Variants in MYT1L observed in about 807,000 individuals in gnomAD.
The protein encoded by MYT1L is myelin transcription factor 1-like protein.
Under a neutral mutation model 126.7 loss-of-function variants are expected in MYT1L, and 12 were observed. The observed-to-expected ratio is 0.09, with a 90% CI of 0.06 to 0.15. MYT1L has a LOEUF of 0.15. Among genes scored for constraint, MYT1L ranks in the 10% least tolerant of loss-of-function variants. The pLI, the probability that MYT1L is intolerant of heterozygous loss-of-function variation, is 1.00. For synonymous variants in MYT1L, 541 were observed against 604.2 expected (o/e 0.90, Z 1.53); for missense variants, 979 against 1,585.2 (o/e 0.62, Z 6.49).
In MYT1L at chr2:1,847,782, C is replaced by T. The variant is rs62114687; in HGVS notation, c.2774+3859G>A. Among the ~76,000 whole-genome samples, 31 of 152,210 alleles carry T rather than the reference C, an allele frequency of 2.0e-4. No homozygotes were observed. The East Asian group carries it at 4.0e-3, about 20-fold the overall frequency. Reference sequence around the variant, plus strand: ...CAACAGGGCCTCTGTTCACTGAGGACGGAGAGTCGGCAAAGCAGCGGATAG... The same window carrying T: ...CAACAGGGCCTCTGTTCACTGAGGATGGAGAGTCGGCAAAGCAGCGGATAG... On this transcript the variant is annotated intron_variant, in intron 19 of 24. Transcript: ENST00000647738.
At chr2:2,247,047 T>C (rs58641559) in intron 2 of MYT1L, among the ~76,000 whole-genome samples, 3,357 of 152,100 alleles carry the variant, frequency 0.022, 106 homozygotes, top group African/African-American at 0.076. Flanking sequence ...TTATTAATAA[T>C]AGCAATGAAT....
intron 5 of MYT1L, among the ~76,000 whole-genome samples, chr2:1,995,337 A>G (rs2061746445): frequency 6.6e-6 from 1 of 152,176 alleles, no homozygotes; most frequent in Admixed American, 6.5e-5. Flanking sequence ...TGAGTTCACT[A>G]GACTGTCGTC....
At chr2:2,202,449 G>A (rs930912910) in intron 2 of MYT1L, among the ~76,000 whole-genome samples, 2 of 152,108 alleles carry the variant, frequency 1.3e-5, no homozygotes, top group Admixed American at 6.6e-5. Context: ...CATCACCACC[G>A]ATCCTACAGA....
chr2:2,006,005 T>G (rs1157873948), intron 4 of MYT1L, among the ~76,000 whole-genome samples: 2 of 148,362 alleles, frequency 1.3e-5, no homozygotes, highest in African/African-American at 5.2e-5. Flanking sequence ...CTTTCCTGCA[T>G]GCATTCTTTC....
intron 1 of MYT1L, among the ~76,000 whole-genome samples, chr2:2,303,150 G>A (rs1406123120): frequency 6.6e-6 from 1 of 152,174 alleles, no homozygotes; most frequent in Non-Finnish European, 1.5e-5. Context: ...TTATCTTCTT[G>A]TATCCTGGCG....
In MYT1L at chr2:1,793,523, C is replaced by T. The variant is rs935833424; in HGVS notation, c.3277-1059G>A. ...CGAGAGTCTCTCCTCCTCTCCCTGT[C>T]GGCCCTGCCTTCTCCTATGTTCTGG... On this transcript the variant is annotated intron_variant, in intron 23 of 24. Coordinates refer to ENST00000647738, the MANE Select transcript of MYT1L (RefSeq NM_001303052.2). This position sits in a 1 kb window ranked among gnomAD's most constrained non-coding sequence, Gnocchi z 4.6. 3.9e-5 allele frequency among the ~76,000 whole-genome samples: 6 copies of T among 152,218 alleles called. No homozygotes were observed. The highest frequency in any genetic ancestry group is 6.5e-5 in the Admixed American group (1 of 15,282).
chr2:2,241,940 G>GAC lies in MYT1L; in HGVS notation c.-421+42462_-421+42463dup, dbSNP rs375790151. ...TGGGACCCAGAGATGGGTGTGTCTA[G>GAC]ACACACACACACACATATATATAGT... On this transcript the variant is annotated intron_variant, in intron 2 of 24. Transcript: ENST00000647738. Among the ~76,000 whole-genome samples, 318 of 151,780 alleles carry GAC rather than the reference G, an allele frequency of 2.1e-3. 1 individual carries two copies. Among genetic ancestry groups the GAC allele is most frequent in the African/African-American group, 6.8e-3 (280 of 41,384 alleles).
Position 2,228,713 on chromosome 2 carries a change from T to C in MYT1L, c.-421+55691A>G, listed in dbSNP as rs2094083205. 6.6e-6 allele frequency among the ~76,000 whole-genome samples: 1 copy of C among 152,140 alleles called. No individual in the cohort carries two copies. Among genetic ancestry groups the C allele is most frequent in the Admixed American group, 6.5e-5 (1 of 15,274 alleles). Reference sequence around the variant, plus strand: ...GTATAAAAAGGTTTCAACCTTAATATTACAGAGAAGAGCTATAAATACACT... The same window carrying C: ...GTATAAAAAGGTTTCAACCTTAATACTACAGAGAAGAGCTATAAATACACT... On this transcript the variant is annotated intron_variant, in intron 2 of 24. Coordinates refer to ENST00000647738, the MANE Select transcript of MYT1L (RefSeq NM_001303052.2). The surrounding 1 kb of genome is among the most constrained non-coding windows in gnomAD (Gnocchi z 5.9).
chr2:2,034,392 C>G (rs1198590576), intron 4 of MYT1L, among the ~76,000 whole-genome samples: 4 of 35,004 alleles, frequency 1.1e-4, no homozygotes, highest in Non-Finnish European at 1.6e-4. Context: ...CCTAACTTCT[C>G]CCCAACAATC....
chr2:1,912,335 T>A lies in MYT1L; in HGVS notation c.1619-225A>T, dbSNP rs992470647. Among the ~76,000 whole-genome samples, 1 of 152,118 alleles carries A rather than the reference T, an allele frequency of 6.6e-6. No homozygotes were observed. The highest frequency in any genetic ancestry group is 1.5e-5 in the Non-Finnish European group (1 of 68,032). On this transcript the variant is annotated intron_variant, in intron 11 of 24. Transcript: ENST00000647738. This position sits in a 1 kb window ranked among gnomAD's most constrained non-coding sequence, Gnocchi z 4.3. ...CAGAGAAAGAAGGTTGACTGGACCC[T>A]ACAGACCCTACATGAAAGGCCAGAG... is the stretch of plus-strand genomic sequence containing the variant.
chr2:2,294,552 G>A (rs934177946), intron 1 of MYT1L, among the ~76,000 whole-genome samples: 3 of 151,962 alleles, frequency 2.0e-5, no homozygotes, highest in South Asian at 2.1e-4. Context: ...CATTGCATTC[G>A]AGATATGAAC....
chr2:1,943,058 G>A lies in MYT1L; in HGVS notation c.429C>T (p.Asp143=), dbSNP rs372013056. 5.0e-5 allele frequency: 74 copies of A among 1,469,096 alleles called. No homozygotes were observed. The highest frequency in any genetic ancestry group is 5.5e-5 in the Non-Finnish European group (59 of 1,073,828). 91.0% of individuals were successfully genotyped at this position (1,469,096 alleles called of 1,614,324 possible). A position where few individuals can be genotyped will look rare whatever the true frequency, so the allele number is the denominator to read the frequency against. Residue 143 remains aspartate (D), a synonymous_variant, in exon 9 of 25, where the codon GAC becomes GAT. Coordinates refer to ENST00000647738, the MANE Select transcript of MYT1L (RefSeq NM_001303052.2). The surrounding 1 kb of genome is among the most constrained non-coding windows in gnomAD (Gnocchi z 4.4). ...EEIEEEDEDD[D]EDGEDVEDEE... Reference sequence around the variant, plus strand: ...CATCCTCCACATCTTCTCCATCCTCGTCATCGTCCTCATCCTCCTCCTCGA... The same window carrying A: ...CATCCTCCACATCTTCTCCATCCTCATCATCGTCCTCATCCTCCTCCTCGA...
In MYT1L at chr2:1,817,728, G is replaced by A. The variant is rs535479437; in HGVS notation, c.3081-8561C>T. Among the ~76,000 whole-genome samples, 203 of 152,276 alleles carry A rather than the reference G, an allele frequency of 1.3e-3. 2 individuals are homozygous for A. Among genetic ancestry groups the A allele is most frequent in the Admixed American group, 2.6e-3 (40 of 15,300 alleles). On this transcript the variant is annotated intron_variant, in intron 21 of 24. Transcript: ENST00000647738. The stretch of plus-strand genomic sequence containing the variant: ...GGCCTGGGGGCGGTGCTGGTCCCGG[G>A]CTCTCGGGAAAGTCCACACACCTGG...
chr2:2,295,601 G>GAGAC (rs2095665989), intron 1 of MYT1L, among the ~76,000 whole-genome samples: 2 of 6,214 alleles, frequency 3.2e-4, no homozygotes, highest in Admixed American at 2.0e-3. Context: ...GACAGAGAGA[G>GAGAC]AGACAGACAG....
chr2:2,265,681 G>T (rs1341677544), intron 2 of MYT1L, among the ~76,000 whole-genome samples: 1 of 152,094 alleles, frequency 6.6e-6, no homozygotes, highest in Admixed American at 6.5e-5. Context: ...TTAATCTTTT[G>T]GTAACATTTC....
At chr2:1,996,662 C>T (rs1443423259) in intron 5 of MYT1L, among the ~76,000 whole-genome samples, 2 of 118,308 alleles carry the variant, frequency 1.7e-5, no homozygotes, top group African/African-American at 3.4e-5. Flanking sequence ...TAGTGAGGGC[C>T]ACCCTGCTTC....
intron 2 of MYT1L, among the ~76,000 whole-genome samples, chr2:2,174,343 T>C (rs1244577882): frequency 6.6e-6 from 1 of 152,214 alleles, no homozygotes; most frequent in Non-Finnish European, 1.5e-5. Context: ...ACCCACATAG[T>C]ATAAATGCAA....
chr2:2,153,740 C>T (rs1008805643), intron 3 of MYT1L, among the ~76,000 whole-genome samples: 3 of 152,018 alleles, frequency 2.0e-5, no homozygotes, highest in Middle Eastern at 3.2e-3. Flanking sequence ...GACTGGAGGC[C>T]GGCCTGAATA....
At chr2:1,946,021 G>C (rs755992558) in intron 8 of MYT1L, among the ~76,000 whole-genome samples, 36 of 152,122 alleles carry the variant, frequency 2.4e-4, no homozygotes, top group Non-Finnish European at 4.7e-4. Flanking sequence ...GCAAGCGAGC[G>C]AAGCTTCTTC....
Sources: allele counts gnomAD v4.1 joint callset (sites outside exome capture counted in the v4.1 genomes callset), GRCh38; gene constraint gnomAD v4.1.1; non-coding constraint Gnocchi (gnomAD v3.1); transcripts MANE v1.5; gene names NCBI Gene and HGNC (gene_info 2026-07-23, HGNC 2026-07-21).